The following LRRN2 variants were observed in gnomAD, a reference collection of about 807,000 sequenced individuals.
LRRN2 encodes leucine-rich repeat neuronal protein 2.
In LRRN2, 10 loss-of-function variants were observed where a neutral mutation model predicts 35.7. The ratio of observed to expected loss-of-function variants is 0.28; its 90% confidence interval spans 0.17 to 0.47. LRRN2 has a LOEUF of 0.47. LRRN2 is among the 20% of genes least tolerant of loss of function. LRRN2 has a pLI of 0.99. For missense variants in LRRN2, 731 were observed against 940.3 expected, an observed-to-expected ratio of 0.78 and a Z score of 2.91; for synonymous variants, 391 against 409.6, an observed-to-expected ratio of 0.95 and a Z score of 0.55.
chr1:204,639,628 C>T (rs1667935916), intron 1 of LRRN2, among the ~76,000 whole-genome samples: 1 of 152,198 alleles, frequency 6.6e-6, no homozygotes, highest in African/African-American at 2.4e-5. Context: ...TGACAGAAGG[C>T]ACTGTCTCTA....
At position 204,660,579 on chromosome 1, in the gene LRRN2, A is replaced by ACACT. The variant is rs1202252082; in HGVS notation, c.-227+24740_-227+24741insAGTG. ...CACACACACACACACACACACACACACTCTCTCTCTCTCTCTCTCTCTCAC... is the reference window on the plus strand; with the variant it reads ...CACACACACACACACACACACACACACACTCTCTCTCTCTCTCTCTCTCTCTCAC... On this transcript the variant is annotated intron_variant, in intron 1 of 1. Coordinates refer to ENST00000367177, the MANE Select transcript of LRRN2 (RefSeq NM_201630.2). Among the ~76,000 whole-genome samples the ACACT allele has an allele frequency of 1.5e-3, 146 of 95,194 alleles. 1 individual carries two copies. Among genetic ancestry groups the ACACT allele is most frequent in the African/African-American group, 4.1e-3 (123 of 30,244 alleles). 62.5% of individuals were successfully genotyped at this position (95,194 alleles called of 152,430 possible).
At chr1:204,678,098 A>G (rs1409819817) in intron 1 of LRRN2, among the ~76,000 whole-genome samples, 2 of 152,156 alleles carry the variant, frequency 1.3e-5, no homozygotes, top group African/African-American at 4.8e-5. Context: ...AGCGTTCCCT[A>G]TATAACTCCC....
intron 1 of LRRN2, among the ~76,000 whole-genome samples, chr1:204,682,479 C>A (rs968598886): frequency 2.0e-5 from 3 of 152,150 alleles, no homozygotes; most frequent in African/African-American, 7.2e-5. Flanking sequence ...AAATCAACTG[C>A]AGATACAAGT....
chr1:204,650,052 C>A (rs1294212426), intron 1 of LRRN2, among the ~76,000 whole-genome samples: 1 of 152,340 alleles, frequency 6.6e-6, no homozygotes, highest in East Asian at 1.9e-4. Context: ...CTCTTCTTCC[C>A]TCCCTCTGTC....
chr1:204,639,826 G>T (rs1308394709), intron 1 of LRRN2, among the ~76,000 whole-genome samples: 1 of 152,036 alleles, frequency 6.6e-6, no homozygotes, highest in Non-Finnish European at 1.5e-5. Flanking sequence ...AGAAAACTGA[G>T]GTTAAAAGAA....
At chr1:204,652,125 G>T (rs113950162) in intron 1 of LRRN2, among the ~76,000 whole-genome samples, 1 of 152,238 alleles carries the variant, frequency 6.6e-6, no homozygotes, top group South Asian at 2.1e-4. Flanking sequence ...CAAAGGTTGC[G>T]GATGGCTTCA....
intron 1 of LRRN2, among the ~76,000 whole-genome samples, chr1:204,638,033 C>G (rs1006123607): frequency 6.6e-6 from 1 of 152,218 alleles, no homozygotes; most frequent in African/African-American, 2.4e-5. Flanking sequence ...TTCTTCTGGT[C>G]TCCCTCCCGC....
At position 204,632,559 on chromosome 1, in the gene LRRN2, G is replaced by A. The variant is rs1195773109; in HGVS notation, c.-226-12341C>T. ...CAAGAGAATCACTTGAACCCAGGGG[G>A]TGGAGGTTGCAGTGAGCTGAGATCA... On this transcript the variant is annotated intron_variant, in intron 1 of 1. Transcript: ENST00000367177. Among the ~76,000 whole-genome samples, 10 of 151,734 alleles carry A rather than the reference G, an allele frequency of 6.6e-5. No individual in the cohort carries two copies. In the East Asian group the frequency reaches 1.6e-3, roughly 24 times the overall value.
chr1:204,625,455 C>T (rs56286644), intron 1 of LRRN2, among the ~76,000 whole-genome samples: 2 of 152,250 alleles, frequency 1.3e-5, no homozygotes, highest in Non-Finnish European at 2.9e-5. Context: ...TTGTAATAAA[C>T]TTAAAAAATA....
intron 1 of LRRN2, among the ~76,000 whole-genome samples, chr1:204,678,217 G>T (rs1278355624): frequency 6.6e-6 from 1 of 152,150 alleles, no homozygotes; most frequent in African/African-American, 2.4e-5. Flanking sequence ...GTGAGTGTAA[G>T]TTCTGCCTCC....
chr1:204,652,427 C>T (rs1252201835), intron 1 of LRRN2, among the ~76,000 whole-genome samples: 1 of 22,212 alleles, frequency 4.5e-5, no homozygotes, highest in East Asian at 0.019. Context: ...GGCAGAAGAG[C>T]AAAGAAGGAC....
intron 1 of LRRN2, among the ~76,000 whole-genome samples, chr1:204,630,123 C>CA (rs1667645682): frequency 1.3e-5 from 2 of 152,200 alleles, no homozygotes; most frequent in African/African-American, 2.4e-5. Context: ...ACATCAAATA[C>CA]AATGCTCATC....
At chr1:204,637,387 A>C (rs1303770090) in intron 1 of LRRN2, among the ~76,000 whole-genome samples, 1 of 152,196 alleles carries the variant, frequency 6.6e-6, no homozygotes, top group Non-Finnish European at 1.5e-5. Context: ...GTATTTGTAC[A>C]GTGCACCAGG....
chr1:204,649,019 C>A (rs1360380043), intron 1 of LRRN2, among the ~76,000 whole-genome samples: 1 of 152,202 alleles, frequency 6.6e-6, no homozygotes, highest in African/African-American at 2.4e-5. Flanking sequence ...GCACCAAAGC[C>A]CAGACCCTGG....
Position 204,618,142 on chromosome 1 carries a change from C to G in LRRN2, c.1851G>C (p.Glu617Asp). The G allele has an allele frequency of 6.2e-7, 1 of 1,614,126 alleles. No homozygotes were observed. The highest frequency in any genetic ancestry group is 2.2e-5 in the East Asian group (1 of 44,878). Reference sequence around the variant, plus strand: ...CTAAGGCTCTGTGGCAAGAAGTGGCCTCTTTGGTCCTGGCCCATACACAAG... The same window carrying G: ...CTAAGGCTCTGTGGCAAGAAGTGGCGTCTTTGGTCCTGGCCCATACACAAG... ...QLACVWARTK[E>D]ATSCHRALGD... The change falls in exon 2 of 2, where the codon GAG (glutamate) becomes GAC (aspartate). Residue 617 changes from glutamate (E) to aspartate (D), a missense_variant. Transcript: ENST00000367177.
intron 1 of LRRN2, chr1:204,664,259 A>G (rs1264162097): frequency 6.6e-6 from 1 of 152,460 alleles, no homozygotes; most frequent in Non-Finnish European, 1.5e-5. Context: ...TCATGATTCC[A>G]GCTTCAACCA....
At chr1:204,645,397 G>A (rs1459261216) in intron 1 of LRRN2, among the ~76,000 whole-genome samples, 1 of 152,194 alleles carries the variant, frequency 6.6e-6, no homozygotes, top group Non-Finnish European at 1.5e-5. Flanking sequence ...CTTAAAGAAT[G>A]GGTGGAGAAT....
chr1:204,681,305 T>G (rs548810919), intron 1 of LRRN2, among the ~76,000 whole-genome samples: 1 of 152,170 alleles, frequency 6.6e-6, no homozygotes, highest in Non-Finnish European at 1.5e-5. Flanking sequence ...TTCATTATTG[T>G]CTATGGGACT....
At chr1:204,648,583 T>C (rs775983535) in intron 1 of LRRN2, among the ~76,000 whole-genome samples, 14 of 152,204 alleles carry the variant, frequency 9.2e-5, no homozygotes, top group Non-Finnish European at 1.9e-4. Flanking sequence ...AGGCTTCACC[T>C]GCATGGACTT....
Sources: allele counts gnomAD v4.1 joint callset (sites outside exome capture counted in the v4.1 genomes callset), GRCh38; gene constraint gnomAD v4.1.1; transcripts MANE v1.5; gene names NCBI Gene and HGNC (gene_info 2026-07-23, HGNC 2026-07-21).